Variants in CNOT1 observed in about 807,000 individuals in gnomAD.
CNOT1 encodes the protein CCR4-associated factor 1.
A neutral mutation model predicts 273.8 loss-of-function variants in CNOT1; 15 were observed. That is an observed-to-expected ratio of 0.05 (90% CI 0.04 to 0.08). CNOT1 has a LOEUF of 0.08. Ranked by LOEUF, CNOT1 falls within the 10% of genes least tolerant of loss-of-function variation. CNOT1 has a pLI of 1.00. For synonymous variants in CNOT1, 1,022 were observed against 1,005.5 expected, an observed-to-expected ratio of 1.02 and a Z score of -0.31; for missense variants, 1,644 against 2,912.2, an observed-to-expected ratio of 0.56 and a Z score of 10.02.
At chr16:58,576,257 C>T (rs1413187479) in intron 14 of CNOT1, among the ~76,000 whole-genome samples, 2 of 151,918 alleles carry the variant, frequency 1.3e-5, no homozygotes, top group African/African-American at 2.4e-5. Context: ...ATTACAGGCA[C>T]GCACTCCACG....
intron 1 of CNOT1, among the ~76,000 whole-genome samples, chr16:58,616,716 T>C (rs1227564065): frequency 6.6e-6 from 1 of 152,342 alleles, no homozygotes; most frequent in South Asian, 2.1e-4. Context: ...ATATTACTAC[T>C]AGATTATTTG....
Position 58,555,836 on chromosome 16 carries a change from T to G in CNOT1, c.2552A>C (p.Tyr851Ser). The G allele has an allele frequency of 6.2e-7, 1 of 1,614,042 alleles. No homozygotes were observed. The highest frequency in any genetic ancestry group is 8.5e-7 in the Non-Finnish European group (1 of 1,180,022). Reference sequence around the variant, plus strand: ...TGGATGATTATATATTCGCTGGAAATAGCTGTTTGCTTCATCATCTATCTC... The same window carrying G: ...TGGATGATTATATATTCGCTGGAAAGAGCTGTTTGCTTCATCATCTATCTC... ...SKEIDDEANS[Y>S]FQRIYNHPPH... The change falls in exon 20 of 49, where the codon TAT (tyrosine) becomes TCT (serine). Residue 851 changes from tyrosine (Y) to serine (S), a missense_variant. By Grantham distance (144) the Tyr-to-Ser change is moderately radical (BLOSUM62 -2). Coordinates refer to ENST00000317147, the MANE Select transcript of CNOT1 (RefSeq NM_016284.5).
Position 58,588,787 on chromosome 16 carries a change from A to C in CNOT1, c.210+12T>G, listed in dbSNP as rs754883003. The stretch of plus-strand genomic sequence containing the variant: ...CAGCTAAGTGGACATGAACTCTGTA[A>C]GCCCCAAATACCTGATGGAAATCTT... On this transcript the variant is annotated intron_variant, in intron 3 of 48. Transcript: ENST00000317147. 145 of 1,612,398 alleles carry C rather than the reference A, an allele frequency of 9.0e-5. No individual in the cohort carries two copies. Among genetic ancestry groups the C allele is most frequent in the Non-Finnish European group, 1.2e-4 (142 of 1,179,288 alleles).
chr16:58,526,511 TAAAA>T (rs57367601), intron 44 of CNOT1, among the ~76,000 whole-genome samples: 111 of 80,806 alleles, frequency 1.4e-3, no homozygotes, highest in African/African-American at 5.7e-3. Context: ...ACTTACTCCT[TAAAA>T]AAAAAAAAAA....
intron 16 of CNOT1, among the ~76,000 whole-genome samples, chr16:58,565,003 T>C (rs1050955746): frequency 1.1e-4 from 16 of 152,206 alleles, no homozygotes; most frequent in African/African-American, 3.9e-4. Flanking sequence ...CTCCCACAAA[T>C]GCTTCTCACG....
At position 58,582,880 on chromosome 16, in the gene CNOT1, C is replaced by T; in HGVS notation, c.957G>A (p.Gly319=). The T allele has an allele frequency of 6.2e-7, 1 of 1,610,760 alleles. No homozygotes were observed. Among genetic ancestry groups the T allele is most frequent in the Non-Finnish European group, 8.5e-7 (1 of 1,177,010 alleles). Residue 319 remains glycine, a synonymous_variant, in exon 10 of 49, where the codon GGG becomes GGA. Transcript: ENST00000317147. ...PLQSISAPGS[G]IWSDGKDKSD... is the part of the protein sequence containing the mutation. ...TTTTATCTTTCCCATCACTCCAGATCCCACTGCCCGGAGCAGAAATACTCT... is the reference window on the plus strand; with the variant it reads ...TTTTATCTTTCCCATCACTCCAGATTCCACTGCCCGGAGCAGAAATACTCT...
intron 1 of CNOT1, among the ~76,000 whole-genome samples, chr16:58,627,627 T>C (rs113332114): frequency 1.3e-5 from 2 of 151,898 alleles, no homozygotes; most frequent in African/African-American, 4.8e-5. Flanking sequence ...TTAAAGAGAC[T>C]AGGATCTAAA....
chr16:58,575,156 G>T, intron 14 of CNOT1, 27 bp from the exon 15 acceptor site: 1 of 1,600,716 alleles, frequency 6.2e-7, no homozygotes, highest in Non-Finnish European at 8.5e-7. Context: ...ATTAGATAAT[G>T]CAAATGGAGC....
chr16:58,558,438 T>C (rs372605043), intron 18 of CNOT1, 35 bp downstream of exon 18: 513 of 1,611,886 alleles, frequency 3.2e-4, no homozygotes, highest in Non-Finnish European at 4.1e-4. Context: ...GGCAAACTTA[T>C]GAATAATCCA....
At chr16:58,616,891 T>C (rs1452427555) in intron 1 of CNOT1, among the ~76,000 whole-genome samples, 3 of 152,182 alleles carry the variant, frequency 2.0e-5, no homozygotes, top group Non-Finnish European at 4.4e-5. Flanking sequence ...TTGTGATTTA[T>C]ACCAAGAATA....
At chr16:58,589,178 A>T (rs1477260611) in intron 2 of CNOT1, among the ~76,000 whole-genome samples, 2 of 152,096 alleles carry the variant, frequency 1.3e-5, no homozygotes, top group Non-Finnish European at 2.9e-5. Context: ...CTAAGATCAC[A>T]GGCATACACC....
At position 58,546,886 on chromosome 16, in the gene CNOT1, C is replaced by T. The variant is rs2040273491; in HGVS notation, c.3751-137G>A. ...ACAAAAAACAAGGATTAAAAAATAA[C>T]CAAAAACAGTTAAACATAGTTAAAC... On this transcript the variant is annotated intron_variant, in intron 27 of 48. Transcript: ENST00000317147. The T allele has an allele frequency of 2.6e-6, 3 of 1,162,584 alleles. No individual in the cohort carries two copies. In the Admixed American group the frequency reaches 7.4e-5, roughly 29 times the overall value. The allele number at this position is 1,162,584 out of a possible 1,614,324, so 72.0% of individuals were successfully genotyped here.
At chr16:58,543,150 A>G (rs1196083118) in intron 31 of CNOT1, 23 of 1,388,892 alleles carry the variant, frequency 1.7e-5, no homozygotes, top group Non-Finnish European at 8.4e-6. Flanking sequence ...AGCAGTAAAC[A>G]AATTATTAAT....
chr16:58,553,641 C>A, intron 22 of CNOT1, 141 bp downstream of exon 22: 1 of 1,058,240 alleles, frequency 9.4e-7, no homozygotes, highest in Non-Finnish European at 1.2e-6. Flanking sequence ...GCAACCTCAA[C>A]AAAAGATATG....
At chr16:58,565,975 G>C (rs551789923) in intron 16 of CNOT1, among the ~76,000 whole-genome samples, 6 of 146,898 alleles carry the variant, frequency 4.1e-5, no homozygotes, top group Admixed American at 2.0e-4. Flanking sequence ...TTGTTTTGTA[G>C]AATGTCCCTT....
At position 58,544,816 on chromosome 16, in the gene CNOT1, T is replaced by C. The variant is rs181643429; in HGVS notation, c.4137+545A>G. ...TGTCCCCTTGAATGTACAAAGCAAA[T>C]ACTAACTATAGGAAAAAGGACTGAT... is the stretch of plus-strand genomic sequence containing the variant. On this transcript the variant is annotated intron_variant, in intron 30 of 48. Coordinates refer to ENST00000317147, the MANE Select transcript of CNOT1 (RefSeq NM_016284.5). Among the ~76,000 whole-genome samples, 24 of 152,222 alleles carry C rather than the reference T, an allele frequency of 1.6e-4. No individual in the cohort carries two copies. The South Asian group carries it at 2.7e-3, about 17-fold the overall frequency.
chr16:58,591,222 T>C (rs74020112), intron 2 of CNOT1, among the ~76,000 whole-genome samples: 1,960 of 152,260 alleles, frequency 0.013, 44 homozygotes, highest in African/African-American at 0.045. Context: ...GGTTAATGAA[T>C]ACACTGACTT....
At chr16:58,561,018 C>T (rs1207299373) in intron 16 of CNOT1, among the ~76,000 whole-genome samples, 1 of 151,976 alleles carries the variant, frequency 6.6e-6, no homozygotes, top group Non-Finnish European at 1.5e-5. Flanking sequence ...GAGTAAGACT[C>T]CGTCTTCAAA....
intron 10 of CNOT1, among the ~76,000 whole-genome samples, chr16:58,582,172 G>C (rs2041680930): frequency 6.6e-6 from 1 of 150,406 alleles, no homozygotes; most frequent in South Asian, 2.1e-4. Context: ...CAAGCCTGTA[G>C]ACCGAGCTAC....
Sources: gnomAD v4.1 joint callset for allele counts (sites outside exome capture counted in the v4.1 genomes callset) on GRCh38, gnomAD v4.1.1 for gene constraint, MANE v1.5 for transcripts, NCBI Gene and HGNC (gene_info 2026-07-23, HGNC 2026-07-21) for gene names.